The following RARS1 variants were observed in gnomAD, a reference collection of about 807,000 sequenced individuals.
RARS1 encodes the protein arginyl-tRNA synthetase 1, also known as arginine--tRNA ligase, cytoplasmic.
A neutral mutation model predicts 78.7 loss-of-function variants in RARS1; 75 were observed. The ratio of observed to expected loss-of-function variants is 0.95; its 90% CI spans 0.79 to 1.15. The LOEUF is 1.15. Ranked by LOEUF, RARS1 falls within the 50% of genes most tolerant of loss-of-function variation. The pLI is 0.00. For missense variants in RARS1, 787 were observed against 787.5 expected, an observed-to-expected ratio of 1.00 and a Z score of 0.01; for synonymous variants, 273 against 268.2, an observed-to-expected ratio of 1.02 and a Z score of -0.18.
intron 9 of RARS1, among the ~76,000 whole-genome samples, chr5:168,502,462 C>T (rs143444586): frequency 0.017 from 2,589 of 148,838 alleles, 79 homozygotes; most frequent in African/African-American, 0.06. Context: ...CCTCCCACCT[C>T]GGCCTCCCAG....
intron 9 of RARS1, 142 bp downstream of exon 9, chr5:168,502,247 T>C: frequency 8.2e-7 from 1 of 1,212,182 alleles, no homozygotes; most frequent in East Asian, 3.1e-5. Context: ...ATTGTATCTA[T>C]ACCTTCTTAC....
At chr5:168,488,024 C>G (rs1161698494) in intron 1 of RARS1, 1 of 167,350 alleles carries the variant, frequency 6.0e-6, no homozygotes, top group Non-Finnish European at 1.3e-5. Context: ...TTTATCGAGC[C>G]AAAGAAAAGA....
rs762675175 is a variant in RARS1 at position 168,510,597 on chromosome 5, C to T, written c.1363C>T (p.Arg455Cys). ...LGEDKKKFKT[R>C]SGETVRLMDL... ...ATTTTTTAGGAAAAAGTTTAAAACA[C>T]GTTCGGGTGAAACAGTGCGCCTCAT... Residue 455 changes from arginine (R) to cysteine (C), a missense_variant, in exon 12 of 15, where the codon CGT becomes TGT. Transcript: ENST00000231572. The T allele has an allele frequency of 5.6e-6, 9 of 1,607,374 alleles. No homozygotes were observed. Among genetic ancestry groups the T allele is most frequent in the Admixed American group, 3.5e-5 (2 of 57,912 alleles).
intron 1 of RARS1, among the ~76,000 whole-genome samples, chr5:168,486,832 C>A (rs1757974684): frequency 6.6e-6 from 1 of 152,148 alleles, no homozygotes; most frequent in Non-Finnish European, 1.5e-5. Context: ...CAGAACAGTT[C>A]TCTCCCTACA....
intron 3 of RARS1, among the ~76,000 whole-genome samples, chr5:168,493,420 T>C (rs1023167344): frequency 2.2e-4 from 34 of 152,128 alleles, no homozygotes; most frequent in Admixed American, 1.0e-3. Context: ...TTGCACACCT[T>C]CATGGCTTGA....
chr5:168,518,047 A>G lies in RARS1; in HGVS notation c.1858A>G (p.Lys620Glu). 7.0e-7 allele frequency: 1 copy of G among 1,427,732 alleles called. No homozygotes were observed. Among genetic ancestry groups the G allele is most frequent in the Non-Finnish European group, 9.3e-7 (1 of 1,070,806 alleles). The allele number at this position is 1,427,732 out of a possible 1,614,324, so 88.4% of individuals were successfully genotyped here. The change falls in exon 14 of 15, where the codon AAA becomes GAA. Residue 620 changes from lysine (K) to glutamate (E), a missense_variant. Physicochemically the swap from Lys to Glu is moderately conservative, Grantham distance 56. Transcript: ENST00000231572. ...CTATGATAGCTGCTACTGTGTGGAG[A>G]AAGATAGACAGACTGGTGAGTGTCT... The part of the protein sequence containing the change: ...EFYDSCYCVE[K>E]DRQTGKILKV...
At chr5:168,517,072 C>T (rs1446869281) in intron 13 of RARS1, 122 bp downstream of exon 13, 14 of 1,002,610 alleles carry the variant, frequency 1.4e-5, no homozygotes, top group East Asian at 7.5e-5. Flanking sequence ...GATCCTCCCA[C>T]CTCAGCCTCC....
chr5:168,490,889 C>G (rs1238449711), intron 2 of RARS1, among the ~76,000 whole-genome samples: 1 of 152,148 alleles, frequency 6.6e-6, no homozygotes, highest in Non-Finnish European at 1.5e-5. Flanking sequence ...GTAATCTCAG[C>G]TGTTTGGGAG....
intron 5 of RARS1, chr5:168,495,113 A>C (rs1758157582): frequency 1.2e-6 from 1 of 854,340 alleles, no homozygotes; most frequent in South Asian, 2.5e-5. Context: ...ATTCTTTTTC[A>C]GTTAAAAATA....
In RARS1 at chr5:168,510,611, A is replaced by G; in HGVS notation, c.1377A>G (p.Thr459=). Residue 459 remains threonine, a synonymous_variant, in exon 12 of 15, where the codon ACA becomes ACG. Coordinates refer to ENST00000231572, the MANE Select transcript of RARS1 (RefSeq NM_002887.4). The part of the protein sequence containing the change: ...KKKFKTRSGE[T]VRLMDLLGEG... ...AGTTTAAAACACGTTCGGGTGAAAC[A>G]GTGCGCCTCATGGATCTTCTGGGAG... 1 of 1,610,804 alleles carries G rather than the reference A, an allele frequency of 6.2e-7. No individual in the cohort carries two copies. Among genetic ancestry groups the G allele is most frequent in the East Asian group, 2.2e-5 (1 of 44,796 alleles).
Position 168,517,795 on chromosome 5 carries a change from A to C in RARS1, c.1626-20A>C, listed in dbSNP as rs780268991. 1.2e-5 allele frequency: 18 copies of C among 1,543,596 alleles called. No homozygotes were observed. Among genetic ancestry groups the C allele is most frequent in the Non-Finnish European group, 1.6e-5 (18 of 1,141,182 alleles). Reference sequence around the variant, plus strand: ...AGGGAACAGTGGTGATTGCCTGATGATTTTTTTGTTTTTTTTAAGGTCTAT... The same window carrying C: ...AGGGAACAGTGGTGATTGCCTGATGCTTTTTTTGTTTTTTTTAAGGTCTAT... On this transcript the variant is annotated intron_variant, in intron 13 of 14. Coordinates refer to ENST00000231572, the MANE Select transcript of RARS1 (RefSeq NM_002887.4).
chr5:168,488,483 A>G (rs1758014715), intron 1 of RARS1, 119 bp from the exon 2 acceptor site: 2 of 1,167,188 alleles, frequency 1.7e-6, no homozygotes, highest in South Asian at 1.6e-5. Context: ...CAGAGGAGAA[A>G]GAAACACAGC....
rs1249864250 is a variant in RARS1, at chr5:168,488,659, T to C, written c.103T>C (p.Leu35=). Residue 35 remains leucine (L), a synonymous_variant, in exon 2 of 15, where the codon TTA becomes CTA. Transcript: ENST00000231572. ...TGACCGGTTGAAAAACTGTGGCTGT[T>C]TAGGAGCTTCTCCAAATTTGGAGCA... is the stretch of plus-strand genomic sequence containing the variant. ...EIDRLKNCGC[L]GASPNLEQLQ... is the part of the protein sequence containing the mutation. 4 of 1,612,844 alleles carry C rather than the reference T, an allele frequency of 2.5e-6. No individual in the cohort carries two copies. The highest frequency in any genetic ancestry group is 1.7e-5 in the Admixed American group (1 of 59,668).
At chr5:168,502,384 A>ATATATATTTTTTTTTTTT (rs1280220276) in intron 9 of RARS1, among the ~76,000 whole-genome samples, 2 of 127,248 alleles carry the variant, frequency 1.6e-5, no homozygotes, top group African/African-American at 6.3e-5. Flanking sequence ...ATATATATAT[A>ATATATATTTTTTTTTTTT]TTTTTTTTTT....
chr5:168,519,054 A>G, intron 14 of RARS1, 27 bp from the exon 15 acceptor site: 1 of 1,570,294 alleles, frequency 6.4e-7, no homozygotes, highest in Non-Finnish European at 8.7e-7. Flanking sequence ...AAACAAGTTA[A>G]TTAACAACTT....
Position 168,501,858 on chromosome 5 carries a change from T to C in RARS1, c.953-143T>C, listed in dbSNP as rs527901520. 2.5e-5 allele frequency: 31 copies of C among 1,245,520 alleles called. No homozygotes were observed. In the South Asian group the frequency reaches 5.6e-4, roughly 23 times the overall value. 77.2% of individuals were successfully genotyped at this position (1,245,520 alleles called of 1,614,324 possible). On this transcript the variant is annotated intron_variant, in intron 8 of 14. Transcript: ENST00000231572. ...TTTCAAAATGACAGCATGTATATAA[T>C]GTTCTATATCATACATTTTTTATGT...
chr5:168,509,892 G>A (rs1230307788), intron 11 of RARS1, among the ~76,000 whole-genome samples: 2 of 152,038 alleles, frequency 1.3e-5, no homozygotes, highest in East Asian at 3.9e-4. Context: ...TATTACTTAA[G>A]CCCAGGAGTT....
intron 13 of RARS1, among the ~76,000 whole-genome samples, 189 bp downstream of exon 13, chr5:168,517,139 T>TG (rs1758682046): frequency 6.6e-6 from 1 of 152,108 alleles, no homozygotes; most frequent in Non-Finnish European, 1.5e-5. Flanking sequence ...AAGTGTTTTT[T>TG]TTTGTTTGTT....
chr5:168,515,777 G>A (rs1013209455), intron 12 of RARS1, among the ~76,000 whole-genome samples: 1 of 152,208 alleles, frequency 6.6e-6, no homozygotes, highest in Non-Finnish European at 1.5e-5. Context: ...GAACTGCCTT[G>A]TGTCACACAG....
Sources: allele counts gnomAD v4.1 joint callset (sites outside exome capture counted in the v4.1 genomes callset), GRCh38; gene constraint gnomAD v4.1.1; transcripts MANE v1.5; gene names NCBI Gene and HGNC (gene_info 2026-07-23, HGNC 2026-07-21).